HIVEP3: variants seen among roughly 807,000 people sequenced by gnomAD.
HIVEP3 encodes HIVEP zinc finger 3.
In HIVEP3, 49 loss-of-function variants were observed where a neutral mutation model predicts 152.8. That is an observed-to-expected ratio of 0.32 (90% confidence interval 0.26 to 0.41). The LOEUF (loss-of-function observed/expected upper bound fraction) is 0.41. Ranked by LOEUF, HIVEP3 falls within the 10% of genes least tolerant of loss-of-function variation. HIVEP3 has a pLI of 1.00. For synonymous variants in HIVEP3, 1,269 were observed against 1,289.0 expected (o/e 0.98, Z 0.33); for missense variants, 2,790 against 3,103.3 (o/e 0.90, Z 2.40).
At position 41,582,652 on chromosome 1, in the gene HIVEP3, T is replaced by C. The variant is rs763489037; in HGVS notation, c.2146A>G (p.Arg716Gly). 1 of 1,614,154 alleles carries C rather than the reference T, an allele frequency of 6.2e-7. No individual in the cohort carries two copies. The change falls in exon 4 of 9, where the codon AGG becomes GGG. Residue 716 changes from arginine (R) to glycine (G), a missense_variant. This residue lies in a region of HIVEP3 where 339 missense variants were observed against 327.0 expected (regional missense o/e 1.04). Transcript: ENST00000372583. This position sits in a 1 kb window ranked among gnomAD's most constrained non-coding sequence, Gnocchi z 4.7. ...TLELTPLRKRRKEKSLGDEEE... is the reference protein window; with the variant it reads ...TLELTPLRKRGKEKSLGDEEE... Reference sequence around the variant, plus strand: ...TCGTCCCCAAGGCTCTTCTCTTTCCTCCTCTTCCTCAGTGGAGTGAGTTCC... The same window carrying C: ...TCGTCCCCAAGGCTCTTCTCTTTCCCCCTCTTCCTCAGTGGAGTGAGTTCC...
chr1:41,824,102 G>A lies in HIVEP3; in HGVS notation c.-801+94311C>T, dbSNP rs141117149. ...ATCTAGCTTTATCTTCATGTCAGAAGTCAGGGGAGTGAGTGCTTGCATATC... is the reference window on the plus strand; with the variant it reads ...ATCTAGCTTTATCTTCATGTCAGAAATCAGGGGAGTGAGTGCTTGCATATC... On this transcript the variant is annotated intron_variant, in intron 1 of 8. Coordinates refer to ENST00000372583, the MANE Select transcript of HIVEP3 (RefSeq NM_024503.5). Among the ~76,000 whole-genome samples, 3 of 152,284 alleles carry A rather than the reference G, an allele frequency of 2.0e-5. No homozygotes were observed. In the East Asian group the frequency reaches 5.8e-4, roughly 29 times the overall value.
chr1:41,993,461 C>G (rs1226328392), intron 1 of HIVEP3, among the ~76,000 whole-genome samples: 1 of 151,292 alleles, frequency 6.6e-6, no homozygotes, highest in African/African-American at 2.4e-5. Flanking sequence ...TACCATCTCA[C>G]ACCAGTTAGA....
At chr1:41,766,537 G>T (rs2124255983) in intron 1 of HIVEP3, among the ~76,000 whole-genome samples, 1 of 152,308 alleles carries the variant, frequency 6.6e-6, no homozygotes, top group South Asian at 2.1e-4. Flanking sequence ...TATGAGACAG[G>T]CAGTGCCATT....
In HIVEP3 at chr1:41,583,567, C is replaced by T. The variant is rs199796046; in HGVS notation, c.1231G>A (p.Ala411Thr). Residue 411 changes from alanine (A) to threonine (T), a missense_variant, in exon 4 of 9, where the codon GCC becomes ACC. Transcript: ENST00000372583. The surrounding 1 kb of genome is among the most constrained non-coding windows in gnomAD (Gnocchi z 6.9). Reference protein sequence around the residue: ...EQQVSPPNTNAKSYAEIIFGK... With the variant: ...EQQVSPPNTNTKSYAEIIFGK... ...AAGATGATCTCAGCGTAGGACTTGG[C>T]GTTGGTGTTTGGGGGGCTGACCTGC... is the stretch of plus-strand genomic sequence containing the variant. The T allele has an allele frequency of 2.4e-5, 38 of 1,614,020 alleles. No individual in the cohort carries two copies. The highest frequency in any genetic ancestry group is 3.1e-5 in the Non-Finnish European group (36 of 1,180,002).
At chr1:41,573,417 C>A (rs887314196) in intron 5 of HIVEP3, among the ~76,000 whole-genome samples, 3 of 152,166 alleles carry the variant, frequency 2.0e-5, no homozygotes, top group Admixed American at 6.5e-5. Flanking sequence ...AGAAGAATCA[C>A]CAGAAGTGAG....
chr1:41,894,801 A>G (rs1644502619), intron 1 of HIVEP3, among the ~76,000 whole-genome samples: 1 of 152,192 alleles, frequency 6.6e-6, no homozygotes, highest in Admixed American at 6.5e-5. Context: ...TGGCCTTTGC[A>G]TGCTGGCTTT....
intron 1 of HIVEP3, among the ~76,000 whole-genome samples, chr1:41,793,795 C>T (rs1302910820): frequency 6.6e-6 from 1 of 152,142 alleles, no homozygotes; most frequent in Non-Finnish European, 1.5e-5. Context: ...GAAGAAACAT[C>T]AGTGTAGAAA....
At chr1:41,701,353 T>A (rs1450949878) in intron 1 of HIVEP3, among the ~76,000 whole-genome samples, 1 of 152,230 alleles carries the variant, frequency 6.6e-6, no homozygotes, top group Non-Finnish European at 1.5e-5. Flanking sequence ...ATTCACTCAT[T>A]CTTGCTTTCA....
In HIVEP3 at chr1:41,824,778, TATATATAGAGAG is replaced by T. The variant is rs1197365905; in HGVS notation, c.-801+93623_-801+93634del. 2.8e-3 allele frequency among the ~76,000 whole-genome samples: 36 copies of T among 12,748 alleles called. 1 individual carries two copies. Among genetic ancestry groups the T allele is most frequent in the Non-Finnish European group, 5.0e-3 (33 of 6,600 alleles). The allele number at this position is 12,748 out of a possible 152,430, so 8.4% of individuals were successfully genotyped here. A position where few individuals can be genotyped will look rare whatever the true frequency, so the allele number is the denominator to read the frequency against. ...ATATATATATATATATATATATATATATATATAGAGAGAGAGAGAGAGAGAGAGAGAGAGAGA... is the reference window on the plus strand; with the variant it reads ...ATATATATATATATATATATATATATAGAGAGAGAGAGAGAGAGAGAGAGA... On this transcript the variant is annotated intron_variant, in intron 1 of 8. Transcript: ENST00000372583.
chr1:41,966,225 G>A (rs1406267413), intron 1 of HIVEP3, among the ~76,000 whole-genome samples: 1 of 151,906 alleles, frequency 6.6e-6, no homozygotes, highest in Non-Finnish European at 1.5e-5. Flanking sequence ...AGCTCCTGAA[G>A]GAACCACTAA....
intron 1 of HIVEP3, among the ~76,000 whole-genome samples, chr1:41,714,042 C>T (rs1328371305): frequency 1.3e-5 from 2 of 152,256 alleles, no homozygotes; most frequent in Non-Finnish European, 2.9e-5. Flanking sequence ...CTGCCTCCTG[C>T]CCAGGGCTGC....
chr1:41,853,877 A>T (rs1456435776), intron 1 of HIVEP3, among the ~76,000 whole-genome samples: 1 of 152,180 alleles, frequency 6.6e-6, no homozygotes, highest in Non-Finnish European at 1.5e-5. Context: ...TAGGCTGCTG[A>T]TGCCAGCTAG....
intron 1 of HIVEP3, among the ~76,000 whole-genome samples, chr1:41,907,496 G>A (rs1379330341): frequency 1.3e-5 from 2 of 152,176 alleles, no homozygotes; most frequent in Admixed American, 6.5e-5. Flanking sequence ...TTCACTTCTC[G>A]CTGGATGAGA....
chr1:41,975,022 C>T (rs920085338), intron 1 of HIVEP3, among the ~76,000 whole-genome samples: 1 of 152,136 alleles, frequency 6.6e-6, no homozygotes, highest in Non-Finnish European at 1.5e-5. Context: ...GCTAGCTTCC[C>T]AAGGGCCACA....
At chr1:41,903,237 C>T (rs1292109968) in intron 1 of HIVEP3, among the ~76,000 whole-genome samples, 2 of 152,152 alleles carry the variant, frequency 1.3e-5, no homozygotes, top group Non-Finnish European at 2.9e-5. Flanking sequence ...TGAAGCAATT[C>T]AAGAACAAGG....
chr1:41,571,013 T>A (rs1558070835), intron 5 of HIVEP3, among the ~76,000 whole-genome samples: 1 of 151,696 alleles, frequency 6.6e-6, no homozygotes, highest in Non-Finnish European at 1.5e-5. Context: ...CCCAGGAGAG[T>A]GGCAATGGCT....
At chr1:41,916,418 C>T (rs765594749) in intron 1 of HIVEP3, among the ~76,000 whole-genome samples, 4 of 152,188 alleles carry the variant, frequency 2.6e-5, no homozygotes, top group African/African-American at 9.7e-5. Context: ...CCAACAGCCC[C>T]AGGCTGAGGC....
chr1:41,982,466 G>C (rs1645298741), intron 1 of HIVEP3, among the ~76,000 whole-genome samples: 1 of 152,054 alleles, frequency 6.6e-6, no homozygotes, highest in Non-Finnish European at 1.5e-5. Flanking sequence ...AACAGGGTTT[G>C]GAGAATAAAT....
intron 2 of HIVEP3, among the ~76,000 whole-genome samples, chr1:41,647,046 C>T (rs562858656): frequency 3.9e-5 from 6 of 152,340 alleles, no homozygotes; most frequent in Admixed American, 6.5e-5. Context: ...GACTCTTCTG[C>T]CTCTGTTTAC....
Sources: gnomAD v4.1 joint callset for allele counts (sites outside exome capture counted in the v4.1 genomes callset) on GRCh38, gnomAD v4.1.1 for gene constraint, gnomAD v4.1.1 regional missense constraint, Gnocchi (gnomAD v3.1) non-coding constraint, MANE v1.5 for transcripts, NCBI Gene and HGNC (gene_info 2026-07-23, HGNC 2026-07-21) for gene names.